The following KIAA1549L variants were observed in gnomAD, a reference collection of about 807,000 sequenced individuals.
The protein encoded by KIAA1549L is KIAA1549 like.
A neutral mutation model predicts 160.7 loss-of-function variants in KIAA1549L; 88 were observed. That is an observed-to-expected ratio of 0.55 (90% CI 0.46 to 0.65). The LOEUF (loss-of-function observed/expected upper bound fraction) is 0.65. Among genes scored for constraint, KIAA1549L ranks in the 30% least tolerant of loss-of-function variants. KIAA1549L has a pLI of 0.00. For synonymous variants in KIAA1549L, 950 were observed against 976.7 expected (o/e 0.97, Z 0.51); for missense variants, 2,258 against 2,437.5 (o/e 0.93, Z 1.55).
chr11:33,589,969 CAG>C (rs1167944920), intron 11 of KIAA1549L, among the ~76,000 whole-genome samples: 3 of 152,086 alleles, frequency 2.0e-5, no homozygotes, highest in African/African-American at 7.2e-5. Context: ...CTCTAAATGA[CAG>C]AGCTTGAATT....
rs567240345 is a variant in KIAA1549L at position 33,565,112 on chromosome 11, C to T, written c.4079-2964C>T. On this transcript the variant is annotated intron_variant, in intron 8 of 20. Coordinates refer to ENST00000658780, the MANE Select transcript of KIAA1549L (RefSeq NM_012194.3). ...GGGCTGGTGTCTTCCTGGTTGTCTG[C>T]GCCAGGTCTGAGCTTCTATGGTTCT... 1.4e-4 allele frequency among the ~76,000 whole-genome samples: 22 copies of T among 152,200 alleles called. No individual in the cohort carries two copies. The South Asian group carries it at 3.7e-3, about 26-fold the overall frequency.
intron 11 of KIAA1549L, among the ~76,000 whole-genome samples, chr11:33,585,160 C>A (rs1855771122): frequency 1.3e-5 from 2 of 152,178 alleles, no homozygotes; most frequent in African/African-American, 4.8e-5. Flanking sequence ...CCAGACACAG[C>A]AGGATGTTGG....
chr11:33,650,811 C>G (rs549531363), intron 17 of KIAA1549L, among the ~76,000 whole-genome samples: 1 of 152,368 alleles, frequency 6.6e-6, no homozygotes, highest in Non-Finnish European at 1.5e-5. Context: ...AAAGGCACTT[C>G]TGGTCTACTT....
chr11:33,462,999 T>C (rs1851973682), intron 1 of KIAA1549L, among the ~76,000 whole-genome samples: 1 of 152,080 alleles, frequency 6.6e-6, no homozygotes, highest in East Asian at 1.9e-4. Context: ...GCTAATTCTT[T>C]TTCTATTTTT....
chr11:33,583,124 C>T (rs887135710), intron 10 of KIAA1549L, among the ~76,000 whole-genome samples: 1 of 152,190 alleles, frequency 6.6e-6, no homozygotes, highest in African/African-American at 2.4e-5. Flanking sequence ...AGTGACAGCC[C>T]ATTTTACAGA....
intron 1 of KIAA1549L, among the ~76,000 whole-genome samples, chr11:33,430,365 G>A (rs979880940): frequency 6.6e-6 from 1 of 151,844 alleles, no homozygotes; most frequent in African/African-American, 2.4e-5. Flanking sequence ...GGGTGATGTA[G>A]GTGGGGTGAA....
chr11:33,499,270 A>G lies in KIAA1549L; in HGVS notation c.239-42532A>G, dbSNP rs935771149. Among the ~76,000 whole-genome samples, 19 of 152,194 alleles carry G rather than the reference A, an allele frequency of 1.2e-4. 1 individual carries two copies. The highest frequency in any genetic ancestry group is 4.3e-4 in the African/African-American group (18 of 41,450). ...CTACCATCTGATCTTTGATTACTCT[A>G]AAGAACTTTGGTTAATCTTTTGAAG... On this transcript the variant is annotated intron_variant, in intron 1 of 20. Coordinates refer to ENST00000658780, the MANE Select transcript of KIAA1549L (RefSeq NM_012194.3).
intron 1 of KIAA1549L, among the ~76,000 whole-genome samples, chr11:33,464,474 ATGTGTGTGTGTGTGTGTGTG>A (rs3038997): frequency 1.4e-5 from 2 of 140,090 alleles, no homozygotes; most frequent in Non-Finnish European, 3.1e-5. Context: ...CTGTGTGTGC[ATGTGTGTGTGTGTGTGTGTG>A]TGTGTGTGTG....
At position 33,397,917 on chromosome 11, in the gene KIAA1549L, C is replaced by CT. The variant is rs67993981; in HGVS notation, c.238+21046dup. Among the ~76,000 whole-genome samples, 689 of 115,446 alleles carry CT rather than the reference C, an allele frequency of 6.0e-3. 7 individuals carry two copies. Among genetic ancestry groups the CT allele is most frequent in the African/African-American group, 8.8e-3 (274 of 31,196 alleles). The allele number at this position is 115,446 out of a possible 152,430, so 75.7% of individuals were successfully genotyped here. On this transcript the variant is annotated intron_variant, in intron 1 of 20. Coordinates refer to ENST00000658780, the MANE Select transcript of KIAA1549L (RefSeq NM_012194.3). ...TGAAAGTTCCAATTTGGTGGTTGGC[C>CT]TTTTTTTTTTTTTTTTTTCTTTTTT...
At chr11:33,395,041 GC>G (rs1343951025) in intron 1 of KIAA1549L, among the ~76,000 whole-genome samples, 2 of 152,338 alleles carry the variant, frequency 1.3e-5, no homozygotes, top group East Asian at 3.9e-4. Context: ...TTGGCGAACA[GC>G]CAGCTGTTAC....
intron 1 of KIAA1549L, among the ~76,000 whole-genome samples, chr11:33,513,479 G>T (rs1853272113): frequency 6.6e-6 from 1 of 152,200 alleles, no homozygotes; most frequent in African/African-American, 2.4e-5. Flanking sequence ...CAACCATTCA[G>T]TCCAGGGTCA....
chr11:33,408,156 A>G (rs964380307), intron 1 of KIAA1549L, among the ~76,000 whole-genome samples: 2 of 152,244 alleles, frequency 1.3e-5, no homozygotes, highest in Non-Finnish European at 2.9e-5. Flanking sequence ...TATTGTGTAC[A>G]AAACAGAAAG....
intron 11 of KIAA1549L, among the ~76,000 whole-genome samples, chr11:33,585,937 C>G (rs1849857451): frequency 6.6e-6 from 1 of 152,170 alleles, no homozygotes; most frequent in South Asian, 2.1e-4. Flanking sequence ...TTGTTTTCCC[C>G]CTCCATGAGG....
At chr11:33,428,663 G>A (rs1229248891) in intron 1 of KIAA1549L, among the ~76,000 whole-genome samples, 3 of 152,144 alleles carry the variant, frequency 2.0e-5, no homozygotes, top group Non-Finnish European at 4.4e-5. Context: ...GTATTCCATG[G>A]TGTATATGTG....
intron 1 of KIAA1549L, among the ~76,000 whole-genome samples, chr11:33,378,242 G>A (rs1372154585): frequency 6.6e-6 from 1 of 152,210 alleles, no homozygotes; most frequent in Non-Finnish European, 1.5e-5. Context: ...CTTATGAGAT[G>A]TTTGCTTTGG....
At position 33,545,376 on chromosome 11, in the gene KIAA1549L, C is replaced by A. The variant is rs1328481524; in HGVS notation, c.3383C>A (p.Thr1128Lys). ...CQMSSKLLVK[T>K]VLFLTQRRVQ... ...ATGTCCAGTAAGCTCCTGGTGAAGA[C>A]AGGTATGAGACCACTGTTCTGATCT... The change falls in exon 3 of 21, where the codon ACA becomes AAA. Residue 1128 changes from threonine (T) to lysine (K), a missense_variant and splice_region_variant. Thr to Lys is a moderately conservative substitution (Grantham distance 78, BLOSUM62 -1). This residue lies in a region of KIAA1549L where 1,359 missense variants were observed against 1,546.6 expected (regional missense o/e 0.88). Transcript: ENST00000658780. 1 of 1,604,324 alleles carries A rather than the reference C, an allele frequency of 6.2e-7. No individual in the cohort carries two copies. Among genetic ancestry groups the A allele is most frequent in the Non-Finnish European group, 8.5e-7 (1 of 1,178,192 alleles).
At chr11:33,480,688 C>T (rs1018412511) in intron 1 of KIAA1549L, among the ~76,000 whole-genome samples, 5 of 152,196 alleles carry the variant, frequency 3.3e-5, no homozygotes, top group Non-Finnish European at 5.9e-5. Flanking sequence ...AAGCTCATCA[C>T]CCAAGTCCTG....
chr11:33,665,703 T>G (rs1852423381), intron 20 of KIAA1549L: 2 of 152,214 alleles, frequency 1.3e-5, no homozygotes, highest in South Asian at 4.1e-4. Context: ...TAGGGCCTTG[T>G]GGGAGACCCG....
At chr11:33,595,051 A>G (rs556578312) in intron 12 of KIAA1549L, among the ~76,000 whole-genome samples, 2 of 152,344 alleles carry the variant, frequency 1.3e-5, no homozygotes, top group African/African-American at 4.8e-5. Flanking sequence ...AATAATTTAA[A>G]TTGTGTAAAG....
Sources: gnomAD v4.1 joint callset for allele counts (sites outside exome capture counted in the v4.1 genomes callset) on GRCh38, gnomAD v4.1.1 for gene constraint, gnomAD v4.1.1 regional missense constraint, MANE v1.5 for transcripts, NCBI Gene and HGNC (gene_info 2026-07-23, HGNC 2026-07-21) for gene names.